The following NEMP1 variants were observed in gnomAD, a reference collection of about 807,000 sequenced individuals.
The protein encoded by NEMP1 is transmembrane protein 194.
In NEMP1, 29 loss-of-function variants were observed where a neutral mutation model predicts 53.7. That is an observed-to-expected ratio of 0.54 (90% CI 0.40 to 0.74). The LOEUF is 0.74. NEMP1 is among the 30% of genes least tolerant of loss of function. The probability of loss-of-function intolerance (pLI) is 0.00; values close to 1 mark genes in which losing one functional copy is unlikely to be tolerated. For missense variants in NEMP1, 477 were observed against 528.6 expected (o/e 0.90, Z 0.96); for synonymous variants, 193 against 192.9 (o/e 1.00, Z 0.00).
In NEMP1 at chr12:57,064,196, GAGT is replaced by G; in HGVS notation, c.640-14_640-12del. ...GTAAATGGGACTTTTCTAAGACAGA[GAGT>G]AGAAGTGAAAGCAAAAAGTTACAAC... is the stretch of plus-strand genomic sequence containing the variant. On this transcript the variant is annotated splice_polypyrimidine_tract_variant and intron_variant, in intron 5 of 8. Coordinates refer to ENST00000300128, the MANE Select transcript of NEMP1 (RefSeq NM_001130963.2). 1 of 1,543,532 alleles carries G rather than the reference GAGT, an allele frequency of 6.5e-7. No homozygotes were observed. Among genetic ancestry groups the G allele is most frequent in the Non-Finnish European group, 8.8e-7 (1 of 1,138,800 alleles).
In NEMP1 at chr12:57,057,591, T is replaced by A. The variant is rs533605639; in HGVS notation, c.*2288A>T. Reference sequence around the variant, plus strand: ...CCGTCCTTCACTGTGTGAGAGCAACTCTCAGGCTGCAGAACCAATTGCCAT... The same window carrying A: ...CCGTCCTTCACTGTGTGAGAGCAACACTCAGGCTGCAGAACCAATTGCCAT... On this transcript the variant is annotated 3_prime_UTR_variant, in exon 9 of 9. Coordinates refer to ENST00000300128, the MANE Select transcript of NEMP1 (RefSeq NM_001130963.2). 7 of 152,352 alleles carry A rather than the reference T, an allele frequency of 4.6e-5. No homozygotes were observed. The highest frequency in any genetic ancestry group is 1.7e-4 in the African/African-American group (7 of 41,542). 9.4% of individuals were successfully genotyped at this position (152,352 alleles called of 1,614,324 possible). A position where few individuals can be genotyped will look rare whatever the true frequency, so the allele number is the denominator to read the frequency against.
rs551307280 is a variant in NEMP1, at chr12:57,073,626, A to C, written c.128-714T>G. 1.6e-4 allele frequency among the ~76,000 whole-genome samples: 24 copies of C among 152,278 alleles called. No individual in the cohort carries two copies. The East Asian group carries it at 3.1e-3, about 20-fold the overall frequency. On this transcript the variant is annotated intron_variant, in intron 1 of 8. Coordinates refer to ENST00000300128, the MANE Select transcript of NEMP1 (RefSeq NM_001130963.2). ...GCCATTGCACCCCAGCCTGGGCAAA[A>C]AGAGCAAAACTCTGTCTCAAAAAAA...
chr12:57,081,631 G>T (rs1465632495), upstream of NEMP1, among the ~76,000 whole-genome samples: 1 of 151,584 alleles, frequency 6.6e-6, no homozygotes, highest in Non-Finnish European at 1.5e-5. Context: ...AACGAGGCTG[G>T]GCACGGTGGC....
At chr12:57,068,453 C>T (rs766154747) in intron 4 of NEMP1, among the ~76,000 whole-genome samples, 2 of 151,828 alleles carry the variant, frequency 1.3e-5, no homozygotes, top group Admixed American at 6.6e-5. Flanking sequence ...CAGGCTCAAG[C>T]GGTTCTCGTG....
chr12:57,062,909 T>G (rs1433439602), intron 7 of NEMP1, among the ~76,000 whole-genome samples: 3 of 151,870 alleles, frequency 2.0e-5, no homozygotes, highest in Admixed American at 2.0e-4. Flanking sequence ...TTACTAGACA[T>G]TTTATATAAA....
At chr12:57,063,091 A>T (rs1485529157) in intron 7 of NEMP1, 28 bp downstream of exon 7, 2 of 1,558,986 alleles carry the variant, frequency 1.3e-6, no homozygotes, top group Admixed American at 1.7e-5. Flanking sequence ...GTACCTGTCA[A>T]TATTAAGTTA....
chr12:57,078,537 GC>G, intron 1 of NEMP1, 81 bp downstream of exon 1: 3 of 1,512,122 alleles, frequency 2.0e-6, no homozygotes, highest in Non-Finnish European at 2.7e-6. Context: ...CAGAGTAACG[GC>G]CCGCGCCCTC....
At chr12:57,073,440 G>C (rs546138811) in intron 1 of NEMP1, among the ~76,000 whole-genome samples, 95 of 152,176 alleles carry the variant, frequency 6.2e-4, no homozygotes, top group African/African-American at 2.2e-3. Context: ...AGAAGTTTGA[G>C]ATCAGCCTGA....
intron 1 of NEMP1, 27 bp downstream of exon 1, chr12:57,078,592 C>A (rs1404964362): frequency 6.3e-7 from 1 of 1,596,310 alleles, no homozygotes; most frequent in South Asian, 1.1e-5. Flanking sequence ...GCACCTGCCC[C>A]CTTGGCAGCT....
At chr12:57,081,629 T>G, upstream of NEMP1, among the ~76,000 whole-genome samples, 1 of 148,150 alleles carries the variant, frequency 6.7e-6, no homozygotes, top group East Asian at 2.2e-4. Context: ...AAAACGAGGC[T>G]GGGCACGGTG....
At chr12:57,074,973 G>A (rs1434448943) in intron 1 of NEMP1, among the ~76,000 whole-genome samples, 4 of 151,554 alleles carry the variant, frequency 2.6e-5, no homozygotes, top group African/African-American at 9.7e-5. Flanking sequence ...ACCTGTAATC[G>A]CAGCTTCTTG....
Position 57,060,827 on chromosome 12 carries a change from T to C in NEMP1, c.1099A>G (p.Asn367Asp). The change falls in exon 8 of 9, where the codon AAC becomes GAC. Residue 367 changes from asparagine (N) to aspartate (D), a missense_variant. Physicochemically the swap from Asn to Asp is conservative, Grantham distance 23 (BLOSUM62 1). Transcript: ENST00000300128. ...TTCCAAGCAGAGCAGTCTGGACTGT[T>C]ACAAAATTCTCGGAGCTCCTCTAAA... ...KALEELREFC[N>D]SPDCSAWKTV... 1 of 1,614,150 alleles carries C rather than the reference T, an allele frequency of 6.2e-7. No individual in the cohort carries two copies.
Position 57,060,772 on chromosome 12 carries a change from C to A in NEMP1, c.1154G>T (p.Arg385Ile). The A allele has an allele frequency of 6.2e-7, 1 of 1,610,486 alleles. No individual in the cohort carries two copies. The stretch of plus-strand genomic sequence containing the variant: ...GCTTGGTATATCTGGCCGAGTTTAC[C>A]TTTTTGGAGACTGGATTCGAGAAAC... ...KTVSRIQSPK[R>I]FADFVEGSSH... Residue 385 changes from arginine to isoleucine, a missense_variant and splice_region_variant, in exon 8 of 9, where the codon AGA becomes ATA. Transcript: ENST00000300128.
At chr12:57,061,306 C>T (rs1293594370) in intron 7 of NEMP1, among the ~76,000 whole-genome samples, 5 of 152,174 alleles carry the variant, frequency 3.3e-5, no homozygotes, top group African/African-American at 1.2e-4. Context: ...ATATTATTCA[C>T]TAATGTGAAC....
intron 3 of NEMP1, 98 bp downstream of exon 3, chr12:57,070,576 G>T: frequency 1.0e-6 from 1 of 990,584 alleles, no homozygotes; most frequent in Non-Finnish European, 1.5e-6. Flanking sequence ...CCCAACTGGA[G>T]CTGTCTTAGG....
At chr12:57,076,507 T>G (rs2032627944) in intron 1 of NEMP1, among the ~76,000 whole-genome samples, 1 of 151,216 alleles carries the variant, frequency 6.6e-6, no homozygotes, top group South Asian at 2.1e-4. Context: ...CTACTAAAAA[T>G]ACAAAATTAG....
At chr12:57,060,745 A>G (rs773732848) in intron 8 of NEMP1, 27 bp downstream of exon 8, 2 of 1,601,278 alleles carry the variant, frequency 1.2e-6, no homozygotes, top group Admixed American at 3.4e-5. Context: ...ACCCTGATAG[A>G]TGCTTGGTAT....
rs1592495845 is a variant in NEMP1 at position 57,059,632 on chromosome 12, G to T, written c.*247C>A. 5.5e-6 allele frequency: 2 copies of T among 361,466 alleles called. No homozygotes were observed. Among genetic ancestry groups the T allele is most frequent in the African/African-American group, 4.1e-5 (2 of 48,850 alleles). 22.4% of individuals were successfully genotyped at this position (361,466 alleles called of 1,614,324 possible). Reference sequence around the variant, plus strand: ...CCAATTTCTCTGGAAACATAAAAGTGGGCTGTTAGCTTAACCAATGGGAAG... The same window carrying T: ...CCAATTTCTCTGGAAACATAAAAGTTGGCTGTTAGCTTAACCAATGGGAAG... On this transcript the variant is annotated 3_prime_UTR_variant, in exon 9 of 9. Coordinates refer to ENST00000300128, the MANE Select transcript of NEMP1 (RefSeq NM_001130963.2).
intron 1 of NEMP1, among the ~76,000 whole-genome samples, chr12:57,085,516 C>T (rs1433862792): frequency 2.6e-5 from 4 of 152,188 alleles, no homozygotes; most frequent in African/African-American, 9.7e-5. Context: ...TCTATTTCCC[C>T]TATTAGTCTG....
Sources: gnomAD v4.1 joint callset for allele counts (sites outside exome capture counted in the v4.1 genomes callset) on GRCh38, gnomAD v4.1.1 for gene constraint, MANE v1.5 for transcripts, NCBI Gene and HGNC (gene_info 2026-07-23, HGNC 2026-07-21) for gene names.